SIL1: variants seen among roughly 807,000 people sequenced by gnomAD.
SIL1 encodes the protein nucleotide exchange factor SIL1.
A neutral mutation model predicts 49.1 loss-of-function variants in SIL1; 40 were observed. The ratio of observed to expected loss-of-function variants is 0.81; its 90% CI spans 0.63 to 1.06. The LOEUF is 1.06. Among genes scored for constraint, SIL1 ranks in the 50% least tolerant of loss-of-function variants. SIL1 has a pLI of 0.00. For synonymous variants in SIL1, 253 were observed against 250.8 expected (o/e 1.01, Z -0.08); for missense variants, 500 against 572.6 (o/e 0.87, Z 1.29).
Position 138,947,431 on chromosome 5 carries a change from G to A in SIL1, c.1072C>T (p.Pro358Ser). ...EEAELTQEMS[P>S]EKLQQYRQVH... Reference sequence around the variant, plus strand: ...TGGCGATACTGCTGCAGCTTCTCTGGGGACATCTCCTGGGTCAGCTCAGCC... The same window carrying A: ...TGGCGATACTGCTGCAGCTTCTCTGAGGACATCTCCTGGGTCAGCTCAGCC... The change falls in exon 10 of 10, where the codon CCA becomes TCA. Residue 358 changes from proline (P) to serine (S), a missense_variant. Transcript: ENST00000394817. The surrounding 1 kb of genome is among the most constrained non-coding windows in gnomAD (Gnocchi z 4.1). The A allele has an allele frequency of 6.2e-7, 1 of 1,613,592 alleles. No homozygotes were observed. The highest frequency in any genetic ancestry group is 8.5e-7 in the Non-Finnish European group (1 of 1,180,030).
chr5:139,083,392 T>C (rs1770136896), intron 3 of SIL1, among the ~76,000 whole-genome samples: 1 of 150,518 alleles, frequency 6.6e-6, no homozygotes, highest in African/African-American at 2.5e-5. Context: ...TGAGATGATA[T>C]CTCATAGTGG....
At chr5:139,137,333 C>CAG in intron 1 of SIL1, 1 of 702,406 alleles carries the variant, frequency 1.4e-6, no homozygotes, top group South Asian at 1.5e-5. Flanking sequence ...AGTAACGTGC[C>CAG]AGAGTTCATG....
intron 7 of SIL1, among the ~76,000 whole-genome samples, chr5:138,979,703 G>C (rs548259557): frequency 6.6e-6 from 1 of 152,232 alleles, no homozygotes; most frequent in South Asian, 2.1e-4. Context: ...TGAATTTTTA[G>C]GGCCAGAGGA....
At chr5:139,121,275 T>TC (rs1750630524) in intron 2 of SIL1, 102 bp from the exon 3 acceptor site, 1 of 1,495,586 alleles carries the variant, frequency 6.7e-7, no homozygotes. Flanking sequence ...CATGCCCCTC[T>TC]CCCCCACAGC....
Position 138,947,022 on chromosome 5 carries a change from G to T in SIL1, c.*95C>A. ...AGGTTTCCATTTAATGGCCAAGCCA[G>T]CACTGCCAAGATGTCCTCCTGCCTG... is the stretch of plus-strand genomic sequence containing the variant. On this transcript the variant is annotated 3_prime_UTR_variant, in exon 10 of 10. Coordinates refer to ENST00000394817, the MANE Select transcript of SIL1 (RefSeq NM_022464.5). The surrounding 1 kb of genome is among the most constrained non-coding windows in gnomAD (Gnocchi z 4.1). The T allele has an allele frequency of 1.1e-6, 1 of 922,412 alleles. No homozygotes were observed. Among genetic ancestry groups the T allele is most frequent in the Non-Finnish European group, 1.7e-6 (1 of 572,280 alleles). The allele number at this position is 922,412 out of a possible 1,614,324, so 57.1% of individuals were successfully genotyped here. A position where few individuals can be genotyped will look rare whatever the true frequency, so the allele number is the denominator to read the frequency against.
chr5:139,010,266 G>A (rs1212610984), intron 7 of SIL1, among the ~76,000 whole-genome samples: 1 of 149,036 alleles, frequency 6.7e-6, no homozygotes, highest in Non-Finnish European at 1.5e-5. Context: ...GGCTCCTGAG[G>A]CTTCTGCATT....
chr5:139,094,073 T>C (rs555464737), intron 3 of SIL1, among the ~76,000 whole-genome samples: 10 of 152,330 alleles, frequency 6.6e-5, no homozygotes, highest in African/African-American at 1.9e-4. Flanking sequence ...AAGCTATTTA[T>C]TTGCTCTTCC....
intron 7 of SIL1, among the ~76,000 whole-genome samples, chr5:139,016,196 G>A (rs1222407163): frequency 1.3e-5 from 2 of 152,224 alleles, no homozygotes; most frequent in Non-Finnish European, 2.9e-5. Context: ...CTAAGTTAAT[G>A]AGAAAGTGAA....
chr5:139,168,828 G>C (rs777199132), intron 1 of SIL1, among the ~76,000 whole-genome samples: 4 of 151,932 alleles, frequency 2.6e-5, no homozygotes, highest in Admixed American at 2.6e-4. Context: ...TGGGCCTGAC[G>C]GCACGTGTCT....
chr5:139,074,900 A>G (rs1769913670), intron 3 of SIL1, among the ~76,000 whole-genome samples: 1 of 152,094 alleles, frequency 6.6e-6, no homozygotes, highest in Non-Finnish European at 1.5e-5. Context: ...ATCTTGGCTC[A>G]CTGCACCTCC....
intron 7 of SIL1, among the ~76,000 whole-genome samples, chr5:138,963,056 G>A (rs1474075156): frequency 1.3e-5 from 2 of 152,170 alleles, no homozygotes; most frequent in Non-Finnish European, 2.9e-5. Context: ...CACACACTGA[G>A]ATTTATCAAC....
intron 3 of SIL1, among the ~76,000 whole-genome samples, chr5:139,061,141 C>G (rs190817682): frequency 2.6e-5 from 4 of 152,330 alleles, no homozygotes; most frequent in African/African-American, 9.6e-5. Context: ...CAAATTATAC[C>G]TGGCTCTGTC....
chr5:139,049,037 G>A (rs540727583), intron 4 of SIL1, among the ~76,000 whole-genome samples: 1 of 152,274 alleles, frequency 6.6e-6, no homozygotes, highest in Admixed American at 6.5e-5. Flanking sequence ...CTGTTTTGTG[G>A]GGTGAGTGCC....
At chr5:139,181,283 C>T (rs1190763625) in intron 1 of SIL1, among the ~76,000 whole-genome samples, 2 of 152,190 alleles carry the variant, frequency 1.3e-5, no homozygotes, top group African/African-American at 4.8e-5. Context: ...CCCACCATGC[C>T]TCTAGTCACA....
chr5:139,053,481 A>C (rs900949973), intron 3 of SIL1, among the ~76,000 whole-genome samples: 1 of 152,174 alleles, frequency 6.6e-6, no homozygotes, highest in Non-Finnish European at 1.5e-5. Context: ...TCTTTTCCAA[A>C]ATACCAAACC....
chr5:139,044,896 C>T (rs959367720), intron 4 of SIL1, among the ~76,000 whole-genome samples: 19 of 152,112 alleles, frequency 1.2e-4, no homozygotes, highest in African/African-American at 4.6e-4. Flanking sequence ...CTTTTTTATT[C>T]CTATTTATAT....
intron 7 of SIL1, among the ~76,000 whole-genome samples, chr5:138,977,863 C>T (rs1048165363): frequency 7.2e-5 from 11 of 152,140 alleles, no homozygotes; most frequent in Non-Finnish European, 1.5e-5. Flanking sequence ...CAAGCTTGTC[C>T]CTACCTCAGG....
chr5:139,106,636 C>T (rs1008583687), intron 3 of SIL1, among the ~76,000 whole-genome samples: 3 of 152,110 alleles, frequency 2.0e-5, no homozygotes, highest in Non-Finnish European at 4.4e-5. Flanking sequence ...AGACTCTATA[C>T]TTTCCAGAAC....
At chr5:138,953,909 A>G (rs1211221181) in intron 7 of SIL1, among the ~76,000 whole-genome samples, 1 of 152,222 alleles carries the variant, frequency 6.6e-6, no homozygotes, top group African/African-American at 2.4e-5. Flanking sequence ...AAGGAGTCCC[A>G]TCCCTCATGG....
Sources: allele counts gnomAD v4.1 joint callset (sites outside exome capture counted in the v4.1 genomes callset), GRCh38; gene constraint gnomAD v4.1.1; non-coding constraint Gnocchi (gnomAD v3.1); transcripts MANE v1.5; gene names NCBI Gene and HGNC (gene_info 2026-07-23, HGNC 2026-07-21).